SEC14L1: variants seen among roughly 807,000 people sequenced by gnomAD.
SEC14L1 encodes SEC14 like lipid binding 1, also known as SEC14-like protein 1.
SEC14L1 carries 48 observed loss-of-function variants against 85.3 expected under a neutral mutation model. The ratio of observed to expected loss-of-function variants is 0.56; its 90% CI spans 0.45 to 0.72. SEC14L1 has a LOEUF of 0.72. Among genes scored for constraint, SEC14L1 ranks in the 30% least tolerant of loss-of-function variants. SEC14L1 has a pLI of 0.00. For missense variants in SEC14L1, 682 were observed against 921.4 expected (o/e 0.74, Z 3.36); for synonymous variants, 391 against 355.5 (o/e 1.10, Z -1.12).
At chr17:77,117,410 G>T (rs1033042481) in intron 3 of SEC14L1, among the ~76,000 whole-genome samples, 2 of 152,158 alleles carry the variant, frequency 1.3e-5, no homozygotes, top group East Asian at 1.9e-4. Context: ...CAGAGGCACC[G>T]TTGGGGTGCA....
At chr17:77,152,716 C>T (rs1211454332) in intron 3 of SEC14L1, 1 of 152,204 alleles carries the variant, frequency 6.6e-6, no homozygotes, top group South Asian at 2.1e-4. Context: ...TGTTATCCCA[C>T]CTAACAAAAG....
At chr17:77,187,934 G>A (rs993070288) in intron 3 of SEC14L1, among the ~76,000 whole-genome samples, 2 of 151,788 alleles carry the variant, frequency 1.3e-5, no homozygotes, top group African/African-American at 4.8e-5. Context: ...TTGTAGAGAT[G>A]GGGTTATGCT....
chr17:77,089,390 A>G (rs1018692017), intron 2 of SEC14L1: 2 of 518,954 alleles, frequency 3.9e-6, no homozygotes, highest in African/African-American at 1.9e-5. Context: ...CCCTGACCTA[A>G]AGTAAATTCC....
chr17:77,205,700 T>C (rs1016955183), intron 11 of SEC14L1, among the ~76,000 whole-genome samples: 3 of 152,162 alleles, frequency 2.0e-5, no homozygotes, highest in Non-Finnish European at 4.4e-5. Context: ...AAATGTTTAG[T>C]GATTCAGAGG....
Position 77,196,232 on chromosome 17 carries a change from A to G in SEC14L1, c.740A>G (p.Tyr247Cys). ...DKLDADYIKRYLGDLTPLQES... is the reference protein window; with the variant it reads ...DKLDADYIKRCLGDLTPLQES... ...CTAGATGCCGACTACATCAAGAGAT[A>G]CCTGGGCGATTTGACTCCGCTGCAG... The change falls in exon 8 of 17, where the codon TAC (tyrosine) becomes TGC (cysteine). Residue 247 changes from tyrosine (Y) to cysteine (C), a missense_variant. Tyr to Cys is a radical substitution (Grantham distance 194, BLOSUM62 -2). This residue lies in a region of SEC14L1 where 420 missense variants were observed against 619.5 expected (regional missense o/e 0.68). Coordinates refer to ENST00000436233, the MANE Select transcript of SEC14L1 (RefSeq NM_001143998.2). 6.2e-7 allele frequency: 1 copy of G among 1,614,166 alleles called. No homozygotes were observed. Among genetic ancestry groups the G allele is most frequent in the South Asian group, 1.1e-5 (1 of 91,086 alleles).
chr17:77,169,433 C>T (rs777780756), intron 3 of SEC14L1, among the ~76,000 whole-genome samples: 3 of 152,146 alleles, frequency 2.0e-5, no homozygotes, highest in East Asian at 1.9e-4. Flanking sequence ...AGCTTATGCC[C>T]GGTCAGTCAG....
At chr17:77,092,717 G>A (rs1336566197) in intron 2 of SEC14L1, among the ~76,000 whole-genome samples, 1 of 152,122 alleles carries the variant, frequency 6.6e-6, no homozygotes, top group East Asian at 1.9e-4. Context: ...GGGAGGCTGA[G>A]GCGGGCGGAT....
chr17:77,160,055 C>T lies in SEC14L1; in HGVS notation c.63+16396C>T, dbSNP rs1598321330. On this transcript the variant is annotated intron_variant, in intron 3 of 16. Coordinates refer to ENST00000436233, the MANE Select transcript of SEC14L1 (RefSeq NM_001143998.2). ...GTGCTTCAAGGTCTATGAAGTACAA[C>T]CTGCACAGTAGATATTTAATAAACA... 2.6e-5 allele frequency among the ~76,000 whole-genome samples: 4 copies of T among 152,222 alleles called. No individual in the cohort carries two copies. The East Asian group carries it at 7.7e-4, about 29-fold the overall frequency.
At chr17:77,152,535 CAAAA>C (rs11295576) in intron 3 of SEC14L1, 24 of 108,344 alleles carry the variant, frequency 2.2e-4, no homozygotes, top group Non-Finnish European at 4.0e-4. Context: ...GACTCCGTCT[CAAAA>C]AAAAAAAAAA....
At chr17:77,184,743 A>G (rs893906991) in intron 3 of SEC14L1, among the ~76,000 whole-genome samples, 7 of 152,232 alleles carry the variant, frequency 4.6e-5, no homozygotes, top group Non-Finnish European at 7.3e-5. Context: ...AGGTTTGCTC[A>G]TCATGAACTG....
At chr17:77,152,887 C>T (rs1327520483) in intron 3 of SEC14L1, among the ~76,000 whole-genome samples, 2 of 152,132 alleles carry the variant, frequency 1.3e-5, no homozygotes, top group African/African-American at 4.8e-5. Context: ...CTAACATTCT[C>T]CCTTTCCTTT....
At chr17:77,146,499 G>A (rs1284105738) in intron 3 of SEC14L1, among the ~76,000 whole-genome samples, 2 of 152,156 alleles carry the variant, frequency 1.3e-5, no homozygotes, top group African/African-American at 4.8e-5. Context: ...AGAAGAACTC[G>A]AAATTCAAAT....
At chr17:77,109,384 G>T (rs776308674) in intron 3 of SEC14L1, among the ~76,000 whole-genome samples, 2 of 152,300 alleles carry the variant, frequency 1.3e-5, no homozygotes, top group African/African-American at 4.8e-5. Context: ...GATCATAGGC[G>T]TGGGTCACAG....
chr17:77,200,435 C>T lies in SEC14L1; in HGVS notation c.820-49C>T, dbSNP rs752004284. 12 of 1,513,818 alleles carry T rather than the reference C, an allele frequency of 7.9e-6. No homozygotes were observed. In the East Asian group the frequency reaches 2.7e-4, roughly 34 times the overall value. The allele number at this position is 1,513,818 out of a possible 1,614,324, so 93.8% of individuals were successfully genotyped here. ...CCGTCCACCGCAGCCTCCCAAAGTT[C>T]CCTTCACAACTTTTAACATTGCTTA... On this transcript the variant is annotated intron_variant, in intron 8 of 16. Transcript: ENST00000436233.
chr17:77,211,879 G>A, intron 14 of SEC14L1, 71 bp from the exon 15 acceptor site: 5 of 1,576,232 alleles, frequency 3.2e-6, no homozygotes, highest in Non-Finnish European at 4.3e-6. Flanking sequence ...CCCCTGGAGA[G>A]CACGATGCGC....
At chr17:77,097,209 A>T (rs1308085519) in intron 3 of SEC14L1, among the ~76,000 whole-genome samples, 4 of 152,200 alleles carry the variant, frequency 2.6e-5, no homozygotes, top group African/African-American at 9.6e-5. Flanking sequence ...ATTGCTTATA[A>T]CTTGAAATTG....
chr17:77,207,395 G>T (rs143457842), intron 13 of SEC14L1, among the ~76,000 whole-genome samples: 465 of 151,520 alleles, frequency 3.1e-3, no homozygotes, highest in African/African-American at 0.011. Flanking sequence ...CATACCCAGC[G>T]AATTTTTTGT....
At chr17:77,205,794 G>A (rs1471867791) in intron 11 of SEC14L1, among the ~76,000 whole-genome samples, 1 of 152,222 alleles carries the variant, frequency 6.6e-6, no homozygotes, top group Non-Finnish European at 1.5e-5. Context: ...GCTGACTGCT[G>A]TATTCTCAGC....
In SEC14L1 at chr17:77,203,578, C is replaced by A; in HGVS notation, c.1018C>A (p.Pro340Thr). The A allele has an allele frequency of 6.2e-7, 1 of 1,613,440 alleles. No individual in the cohort carries two copies. The highest frequency in any genetic ancestry group is 8.5e-7 in the Non-Finnish European group (1 of 1,179,750). ...CTTCCCCTCCTCTGCAGATGGGCGG[C>A]CCCTCTACGTGCTCAGGCTGGGGCA... is the stretch of plus-strand genomic sequence containing the variant. ...GWHHHDKDGR[P>T]LYVLRLGQMD... The change falls in exon 10 of 17, where the codon CCC (proline) becomes ACC (threonine). Residue 340 changes from proline to threonine, a missense_variant. Physicochemically the swap from Pro to Thr is conservative, Grantham distance 38. Coordinates refer to ENST00000436233, the MANE Select transcript of SEC14L1 (RefSeq NM_001143998.2).
Sources: gnomAD v4.1 joint callset for allele counts (sites outside exome capture counted in the v4.1 genomes callset) on GRCh38, gnomAD v4.1.1 for gene constraint, gnomAD v4.1.1 regional missense constraint, MANE v1.5 for transcripts, NCBI Gene and HGNC (gene_info 2026-07-23, HGNC 2026-07-21) for gene names.